ESRRG: variants seen among roughly 807,000 people sequenced by gnomAD.
ESRRG encodes the protein estrogen related receptor gamma, also known as estrogen-related receptor gamma.
Under a neutral mutation model 44.0 loss-of-function variants are expected in ESRRG, and 13 were observed. The observed-to-expected ratio is 0.30, with a 90% confidence interval of 0.19 to 0.47. The LOEUF (loss-of-function observed/expected upper bound fraction) is 0.47, where lower values mean the gene tolerates loss of function less well. Ranked by LOEUF, ESRRG falls within the 20% of genes least tolerant of loss-of-function variation. The pLI is 1.00. For synonymous variants in ESRRG, 215 were observed against 214.6 expected (o/e 1.00, Z -0.02); for missense variants, 395 against 580.6 (o/e 0.68, Z 3.29).
At chr1:217,006,896 C>T (rs2150733204) in intron 1 of ESRRG, among the ~76,000 whole-genome samples, 1 of 152,136 alleles carries the variant, frequency 6.6e-6, no homozygotes, top group South Asian at 2.1e-4. Flanking sequence ...GTAAACTGAA[C>T]TGTGGTCAAA....
intron 2 of ESRRG, among the ~76,000 whole-genome samples, chr1:216,932,421 A>T (rs2063490307): frequency 6.6e-6 from 1 of 152,234 alleles, no homozygotes; most frequent in Non-Finnish European, 1.5e-5. Context: ...TAATAATTTT[A>T]AAATTGCAAA....
intron 1 of ESRRG, among the ~76,000 whole-genome samples, chr1:216,949,698 A>G (rs2066639384): frequency 6.6e-6 from 1 of 152,200 alleles, no homozygotes; most frequent in Non-Finnish European, 1.5e-5. Context: ...TGTCTCTGTC[A>G]TCTTCTACAA....
chr1:216,850,198 A>C (rs2095819915), intron 2 of ESRRG, among the ~76,000 whole-genome samples: 1 of 152,136 alleles, frequency 6.6e-6, no homozygotes, highest in Non-Finnish European at 1.5e-5. Context: ...TATTTTCTTT[A>C]AAATCACTCC....
At chr1:217,131,082 A>C (rs2092958605) in intron 1 of ESRRG, among the ~76,000 whole-genome samples, 2 of 152,218 alleles carry the variant, frequency 1.3e-5, no homozygotes, top group Non-Finnish European at 2.9e-5. Flanking sequence ...AGGCAGATTC[A>C]GTTGGATTAG....
intron 2 of ESRRG, among the ~76,000 whole-genome samples, chr1:216,867,856 C>T (rs1391178744): frequency 1.3e-5 from 2 of 151,998 alleles, no homozygotes; most frequent in Non-Finnish European, 2.9e-5. Context: ...TCACAAGAAT[C>T]GGGGTACAAA....
intron 1 of ESRRG, among the ~76,000 whole-genome samples, chr1:216,999,769 G>C (rs1169667992): frequency 6.6e-6 from 1 of 152,042 alleles, no homozygotes; most frequent in African/African-American, 2.4e-5. Flanking sequence ...AAAAAGGGTG[G>C]TTTAGAATCT....
At chr1:216,883,999 T>C (rs2096485691) in intron 2 of ESRRG, among the ~76,000 whole-genome samples, 1 of 152,220 alleles carries the variant, frequency 6.6e-6, no homozygotes. Flanking sequence ...TCCTTCAGAA[T>C]GAAAGTATGC....
intron 2 of ESRRG, among the ~76,000 whole-genome samples, chr1:216,849,354 A>G (rs971153229): frequency 1.3e-5 from 2 of 152,144 alleles, no homozygotes; most frequent in African/African-American, 2.4e-5. Context: ...GGGCTTATCA[A>G]CTGGAATTCG....
chr1:216,769,441 G>A (rs1000507444), intron 2 of ESRRG, among the ~76,000 whole-genome samples: 1 of 152,058 alleles, frequency 6.6e-6, no homozygotes, highest in African/African-American at 2.4e-5. Flanking sequence ...AGTGTGAGAT[G>A]ACATTGGGAA....
At chr1:216,639,108 C>CT (rs1279665123) in intron 3 of ESRRG, among the ~76,000 whole-genome samples, 1 of 151,986 alleles carries the variant, frequency 6.6e-6, no homozygotes, top group East Asian at 1.9e-4. Flanking sequence ...AGACAAATGT[C>CT]TAAGAGAGCA....
chr1:217,115,053 G>T (rs1048579711), intron 1 of ESRRG, among the ~76,000 whole-genome samples: 2 of 151,978 alleles, frequency 1.3e-5, no homozygotes, highest in Non-Finnish European at 2.9e-5. Context: ...AGGGAAAGAG[G>T]TTTCCATGTG....
chr1:216,923,983 G>A (rs990209741), intron 2 of ESRRG, among the ~76,000 whole-genome samples: 15 of 152,206 alleles, frequency 9.9e-5, no homozygotes, highest in African/African-American at 1.9e-4. Flanking sequence ...GTTTACCTAC[G>A]AAGAAGATTA....
intron 2 of ESRRG, among the ~76,000 whole-genome samples, chr1:216,912,212 A>G (rs528663228): frequency 4.6e-5 from 1 of 21,874 alleles, no homozygotes. Flanking sequence ...AGAGGAGAGG[A>G]GAGGAGAGGA....
At chr1:216,963,497 T>A (rs935190138) in intron 1 of ESRRG, among the ~76,000 whole-genome samples, 5 of 152,128 alleles carry the variant, frequency 3.3e-5, no homozygotes, top group Non-Finnish European at 7.4e-5. Flanking sequence ...TCCTGAGGAA[T>A]CTAACAGAGT....
At chr1:216,961,426 T>C (rs1018656789) in intron 1 of ESRRG, among the ~76,000 whole-genome samples, 3 of 152,150 alleles carry the variant, frequency 2.0e-5, no homozygotes, top group Non-Finnish European at 4.4e-5. Flanking sequence ...TATCAAAGGA[T>C]ACCATAAAGA....
intron 2 of ESRRG, among the ~76,000 whole-genome samples, chr1:216,824,130 T>G (rs537367505): frequency 6.6e-6 from 1 of 152,326 alleles, no homozygotes; most frequent in South Asian, 2.1e-4. Context: ...CAACATCTTT[T>G]CAAGTGTCTT....
At chr1:216,646,510 C>T (rs1205607530) in intron 3 of ESRRG, among the ~76,000 whole-genome samples, 2 of 152,098 alleles carry the variant, frequency 1.3e-5, no homozygotes, top group African/African-American at 4.8e-5. Flanking sequence ...TTAACTTGCT[C>T]CAAGTCTCAG....
At chr1:216,529,128 T>A (rs1040288839) in intron 5 of ESRRG, among the ~76,000 whole-genome samples, 1 of 152,146 alleles carries the variant, frequency 6.6e-6, no homozygotes, top group African/African-American at 2.4e-5. Flanking sequence ...CAGGAACCAG[T>A]TCTACCTGCT....
chr1:216,851,251 AG>A (rs2095838627), intron 2 of ESRRG, among the ~76,000 whole-genome samples: 1 of 152,098 alleles, frequency 6.6e-6, no homozygotes, highest in African/African-American at 2.4e-5. Flanking sequence ...CATTACTAAA[AG>A]CTGTGTGCTT....
Sources: allele counts gnomAD v4.1 joint callset (sites outside exome capture counted in the v4.1 genomes callset), GRCh38; gene constraint gnomAD v4.1.1; transcripts MANE v1.5; gene names NCBI Gene and HGNC (gene_info 2026-07-23, HGNC 2026-07-21).